The following GNPTAB variants were observed in gnomAD, a reference collection of about 807,000 sequenced individuals.
GNPTAB encodes the protein N-acetylglucosamine-1-phosphate transferase subunits alpha and beta.
Under a neutral mutation model 136.6 loss-of-function variants are expected in GNPTAB, and 92 were observed. The observed-to-expected ratio is 0.67, with a 90% confidence interval of 0.57 to 0.80. GNPTAB has a LOEUF of 0.80. GNPTAB is among the 30% of genes least tolerant of loss of function. The pLI, the probability that GNPTAB is intolerant of heterozygous loss-of-function variation, is 0.00. For missense variants in GNPTAB, 1,343 were observed against 1,501.8 expected (o/e 0.89, Z 1.75); for synonymous variants, 512 against 535.1 (o/e 0.96, Z 0.60).
At chr12:101,789,443 T>G (rs1050046043) in intron 3 of GNPTAB, among the ~76,000 whole-genome samples, 1 of 152,160 alleles carries the variant, frequency 6.6e-6, no homozygotes, top group Non-Finnish European at 1.5e-5. Context: ...CTCTAATGCA[T>G]GCTTACTTGT....
At chr12:101,782,002 G>A (rs1034238375) in intron 5 of GNPTAB, among the ~76,000 whole-genome samples, 41 of 152,288 alleles carry the variant, frequency 2.7e-4, no homozygotes, top group African/African-American at 9.1e-4. Context: ...TAACAAAGCC[G>A]CAATCAACCT....
chr12:101,821,965 C>A (rs1163550956), intron 1 of GNPTAB, among the ~76,000 whole-genome samples: 4 of 152,088 alleles, frequency 2.6e-5, no homozygotes, highest in African/African-American at 9.7e-5. Context: ...ATGAGAAGCT[C>A]CCATTATTAT....
At chr12:101,765,611 CAAT>C in intron 12 of GNPTAB, 1 of 386,088 alleles carries the variant, frequency 2.6e-6, no homozygotes, top group East Asian at 5.7e-5. Context: ...GAGGCAGTCA[CAAT>C]AATTACCATG....
intron 18 of GNPTAB, among the ~76,000 whole-genome samples, chr12:101,754,686 C>CA (rs1369332450): frequency 6.6e-6 from 1 of 151,568 alleles, no homozygotes; most frequent in Non-Finnish European, 1.5e-5. Context: ...ACTAAGGGCC[C>CA]ATTAAAGTGG....
chr12:101,812,581 A>ACCC (rs138080259), intron 1 of GNPTAB, among the ~76,000 whole-genome samples: 3 of 151,464 alleles, frequency 2.0e-5, no homozygotes, highest in East Asian at 3.9e-4. Flanking sequence ...CATGGTGAGA[A>ACCC]CCCCCCCATC....
intron 7 of GNPTAB, among the ~76,000 whole-genome samples, chr12:101,776,640 C>T (rs535816604): frequency 1.1e-3 from 170 of 152,320 alleles, no homozygotes; most frequent in African/African-American, 4.0e-3. Context: ...TGTGCAAAGA[C>T]ACATTTCTGT....
intron 1 of GNPTAB, among the ~76,000 whole-genome samples, chr12:101,806,656 T>C (rs1383902429): frequency 6.6e-6 from 1 of 152,214 alleles, no homozygotes; most frequent in Non-Finnish European, 1.5e-5. Flanking sequence ...TGAACAACTC[T>C]GTCTCCACAG....
At chr12:101,822,974 G>T (rs1566102346) in intron 1 of GNPTAB, among the ~76,000 whole-genome samples, 1 of 152,196 alleles carries the variant, frequency 6.6e-6, no homozygotes. Flanking sequence ...ATATTTGGGA[G>T]ACCAGTCCCG....
rs187764994 is a variant in GNPTAB at position 101,789,658 on chromosome 12, A to C, written c.323+280T>G. ...CACCATCACGCCCAACAAACTTTTTATTTTTTGTAGAGATGAAGTCTCACT... is the reference window on the plus strand; with the variant it reads ...CACCATCACGCCCAACAAACTTTTTCTTTTTTGTAGAGATGAAGTCTCACT... On this transcript the variant is annotated intron_variant, in intron 3 of 20. Transcript: ENST00000299314. Among the ~76,000 whole-genome samples, 158 of 152,120 alleles carry C rather than the reference A, an allele frequency of 1.0e-3. 2 individuals are homozygous for C. The highest frequency in any genetic ancestry group is 5.0e-3 in the Admixed American group (77 of 15,276).
intron 3 of GNPTAB, 71 bp from the exon 4 acceptor site, chr12:101,788,660 T>C: frequency 2.4e-6 from 2 of 827,918 alleles, no homozygotes; most frequent in East Asian, 2.4e-5. Context: ...CCAAGACGGT[T>C]TGCTTAGAGC....
intron 7 of GNPTAB, chr12:101,773,903 C>T (rs1156281199): frequency 6.6e-6 from 1 of 152,144 alleles, no homozygotes; most frequent in Non-Finnish European, 1.5e-5. Context: ...TATATGGCAT[C>T]TTATTTTAAA....
chr12:101,830,014 A>AG (rs1290227967), intron 1 of GNPTAB, among the ~76,000 whole-genome samples: 1 of 151,566 alleles, frequency 6.6e-6, no homozygotes. Flanking sequence ...CAAAAAAAAA[A>AG]AAAAAAAAGA....
chr12:101,822,242 T>C (rs1360155241), intron 1 of GNPTAB, among the ~76,000 whole-genome samples: 1 of 151,962 alleles, frequency 6.6e-6, no homozygotes, highest in Non-Finnish European at 1.5e-5. Flanking sequence ...TGAAACCCCG[T>C]CTCTACTAAA....
rs1457200721 is a variant in GNPTAB at position 101,747,017 on chromosome 12, T to C, written c.*147A>G. 3 of 676,866 alleles carry C rather than the reference T, an allele frequency of 4.4e-6. No individual in the cohort carries two copies. Among genetic ancestry groups the C allele is most frequent in the East Asian group, 2.8e-5 (1 of 36,266 alleles). The allele number at this position is 676,866 out of a possible 1,614,324, so 41.9% of individuals were successfully genotyped here. On this transcript the variant is annotated 3_prime_UTR_variant, in exon 21 of 21. Transcript: ENST00000299314. ...TAAATAATTCCTGGTCAGTGGGCTA[T>C]ATTCATGCCACAAAACAGCATGGTA...
At chr12:101,809,789 C>G (rs1870121617) in intron 1 of GNPTAB, among the ~76,000 whole-genome samples, 1 of 152,142 alleles carries the variant, frequency 6.6e-6, no homozygotes, top group Admixed American at 6.5e-5. Flanking sequence ...AGAGCAAGAA[C>G]AACTGCAGGG....
At chr12:101,811,599 GAGA>G (rs1245811732) in intron 1 of GNPTAB, among the ~76,000 whole-genome samples, 2 of 151,502 alleles carry the variant, frequency 1.3e-5, no homozygotes, top group Non-Finnish European at 2.9e-5. Flanking sequence ...TACGTGGCCG[GAGA>G]AGGAGGAAGA....
At chr12:101,749,363 TTTA>T (rs1180676914) in intron 19 of GNPTAB, among the ~76,000 whole-genome samples, 172 bp from the exon 20 acceptor site, 8 of 152,256 alleles carry the variant, frequency 5.3e-5, no homozygotes. Flanking sequence ...GTTCAGATTT[TTTA>T]TTATGTCATA....
Position 101,799,198 on chromosome 12 carries a change from A to G in GNPTAB, c.118-2436T>C, listed in dbSNP as rs190855119. ...AAGAAACACATACCTACAGACTAACATAATGCAAGAAAAAGCAAAGTTGTT... is the reference window on the plus strand; with the variant it reads ...AAGAAACACATACCTACAGACTAACGTAATGCAAGAAAAAGCAAAGTTGTT... On this transcript the variant is annotated intron_variant, in intron 1 of 20. Transcript: ENST00000299314. 2.5e-3 allele frequency among the ~76,000 whole-genome samples: 378 copies of G among 152,364 alleles called. 1 individual carries two copies. Among genetic ancestry groups the G allele is most frequent in the Non-Finnish European group, 4.1e-3 (277 of 68,046 alleles).
At chr12:101,814,368 C>G (rs1401344102) in intron 1 of GNPTAB, among the ~76,000 whole-genome samples, 1 of 151,784 alleles carries the variant, frequency 6.6e-6, no homozygotes, top group Non-Finnish European at 1.5e-5. Context: ...TTATTCATAT[C>G]TACTGTATTA....
Sources: allele counts gnomAD v4.1 joint callset (sites outside exome capture counted in the v4.1 genomes callset), GRCh38; gene constraint gnomAD v4.1.1; transcripts MANE v1.5; gene names NCBI Gene and HGNC (gene_info 2026-07-23, HGNC 2026-07-21).